The following STAU2 variants were observed in gnomAD, a reference collection of about 807,000 sequenced individuals.
The protein encoded by STAU2 is double-stranded RNA-binding protein Staufen homolog 2.
In STAU2, 20 loss-of-function variants were observed where a neutral mutation model predicts 65.9. The observed-to-expected ratio is 0.30, with a 90% CI of 0.21 to 0.44. The LOEUF is 0.44. Among genes scored for constraint, STAU2 ranks in the 20% least tolerant of loss-of-function variants. STAU2 has a pLI of 1.00. For missense variants in STAU2, 558 were observed against 683.9 expected (o/e 0.82, Z 2.05); for synonymous variants, 232 against 233.9 (o/e 0.99, Z 0.07).
At chr8:73,508,278 T>C (rs541155917) in intron 13 of STAU2, among the ~76,000 whole-genome samples, 185 of 152,316 alleles carry the variant, frequency 1.2e-3, no homozygotes, top group Non-Finnish European at 2.1e-3. Context: ...TGAAACTCTT[T>C]CAGTTGAACA....
intron 13 of STAU2, among the ~76,000 whole-genome samples, chr8:73,479,820 T>C (rs1820517809): frequency 6.6e-6 from 1 of 151,896 alleles, no homozygotes; most frequent in Non-Finnish European, 1.5e-5. Flanking sequence ...ATATCCATTA[T>C]ATCTCTCAAA....
chr8:73,548,346 G>A (rs1337039917), intron 13 of STAU2, among the ~76,000 whole-genome samples: 2 of 151,636 alleles, frequency 1.3e-5, no homozygotes, highest in Non-Finnish European at 2.9e-5. Flanking sequence ...GAATAAATAG[G>A]TGAAAGGTTG....
At chr8:73,467,255 G>A (rs1027730950) in intron 13 of STAU2, among the ~76,000 whole-genome samples, 2 of 152,108 alleles carry the variant, frequency 1.3e-5, no homozygotes, top group Admixed American at 6.5e-5. Flanking sequence ...CTTCTCGGCC[G>A]GGCGCAGTGG....
At chr8:73,683,106 C>T (rs981473425) in intron 5 of STAU2, among the ~76,000 whole-genome samples, 1 of 152,158 alleles carries the variant, frequency 6.6e-6, no homozygotes, top group Non-Finnish European at 1.5e-5. Flanking sequence ...CTCCCTAAAT[C>T]ATTCAATGAA....
intron 13 of STAU2, among the ~76,000 whole-genome samples, chr8:73,459,720 A>G (rs914718672): frequency 9.9e-5 from 15 of 152,106 alleles, no homozygotes; most frequent in African/African-American, 3.6e-4. Flanking sequence ...TGCTGTCATC[A>G]CACCCACGCT....
chr8:73,444,702 T>G (rs952981846), intron 13 of STAU2, among the ~76,000 whole-genome samples: 4 of 152,152 alleles, frequency 2.6e-5, no homozygotes, highest in African/African-American at 9.7e-5. Context: ...TGGCATGGAG[T>G]TGATGCTCCA....
rs1219670014 is a variant in STAU2, at chr8:73,443,112, T to C, written c.1531-20410A>G. 2.6e-5 allele frequency among the ~76,000 whole-genome samples: 4 copies of C among 152,214 alleles called. No individual in the cohort carries two copies. In the East Asian group the frequency reaches 7.7e-4, roughly 29 times the overall value. On this transcript the variant is annotated intron_variant, in intron 13 of 14. Coordinates refer to ENST00000524300, the MANE Select transcript of STAU2 (RefSeq NM_001164380.2). The stretch of plus-strand genomic sequence containing the variant: ...CCTGACATTCAATTGGATAGAATTA[T>C]ATATTGAAATAGATTGTAGGCATAT...
chr8:73,699,757 C>A (rs970374452), intron 4 of STAU2, among the ~76,000 whole-genome samples: 2 of 151,504 alleles, frequency 1.3e-5, no homozygotes, highest in Non-Finnish European at 2.9e-5. Flanking sequence ...GGAACTAATA[C>A]CAATCCTACT....
At chr8:73,465,470 T>C (rs1819603744) in intron 13 of STAU2, among the ~76,000 whole-genome samples, 1 of 152,236 alleles carries the variant, frequency 6.6e-6, no homozygotes, top group Non-Finnish European at 1.5e-5. Context: ...CACGTATTAC[T>C]GTATTTCTTA....
At chr8:73,534,084 A>C (rs539882646) in intron 13 of STAU2, among the ~76,000 whole-genome samples, 1 of 152,348 alleles carries the variant, frequency 6.6e-6, no homozygotes, top group South Asian at 2.1e-4. Flanking sequence ...TAGCACAATC[A>C]CTGTGTTAAG....
intron 6 of STAU2, among the ~76,000 whole-genome samples, chr8:73,621,689 T>A (rs1813246849): frequency 1.3e-5 from 2 of 152,186 alleles, no homozygotes; most frequent in African/African-American, 4.8e-5. Context: ...AGTCTTGGGA[T>A]TTGAAAGATC....
chr8:73,650,000 C>G (rs1815738532), intron 6 of STAU2, among the ~76,000 whole-genome samples: 1 of 149,822 alleles, frequency 6.7e-6, no homozygotes, highest in South Asian at 2.1e-4. Context: ...CTGGTCAAAA[C>G]TGGAAACTGA....
chr8:73,746,233 G>T (rs551439118), intron 1 of STAU2, among the ~76,000 whole-genome samples: 3 of 151,676 alleles, frequency 2.0e-5, no homozygotes, highest in Non-Finnish European at 4.4e-5. Context: ...GCCACCCTCC[G>T]GCGCGCCCCG....
At chr8:73,703,576 T>C (rs901038822) in intron 4 of STAU2, among the ~76,000 whole-genome samples, 4 of 152,198 alleles carry the variant, frequency 2.6e-5, no homozygotes, top group African/African-American at 7.2e-5. Flanking sequence ...AACAGATGAA[T>C]GTCCAAAAAA....
chr8:73,486,001 A>G (rs927140900), intron 13 of STAU2, among the ~76,000 whole-genome samples: 6 of 152,166 alleles, frequency 3.9e-5, no homozygotes, highest in Non-Finnish European at 7.4e-5. Context: ...AGAGGCTGAC[A>G]GGAAGTTCAG....
chr8:73,583,412 C>G (rs1368960862), intron 11 of STAU2, among the ~76,000 whole-genome samples: 1 of 152,074 alleles, frequency 6.6e-6, no homozygotes, highest in Non-Finnish European at 1.5e-5. Flanking sequence ...TCCCAAAGTG[C>G]TGGGATTATA....
At chr8:73,688,923 G>A (rs894029414) in intron 4 of STAU2, 110 bp from the exon 5 acceptor site, 2 of 1,301,890 alleles carry the variant, frequency 1.5e-6, no homozygotes, top group Non-Finnish European at 2.1e-6. Flanking sequence ...AGAGCTAGAG[G>A]TGACCTTACC....
chr8:73,524,210 G>A (rs922814451), intron 13 of STAU2, among the ~76,000 whole-genome samples: 2 of 152,174 alleles, frequency 1.3e-5, no homozygotes, highest in Non-Finnish European at 2.9e-5. Context: ...TAATTTAGAG[G>A]AAGAGATGCT....
rs16938659 is a variant in STAU2, at chr8:73,441,774, G to C, written c.1531-19072C>G. ...ACGATTGATGTTTAAAGACTAATCC[G>C]TCTGGAGTAAGTAGCTGCTGAATGT... On this transcript the variant is annotated intron_variant, in intron 13 of 14. Coordinates refer to ENST00000524300, the MANE Select transcript of STAU2 (RefSeq NM_001164380.2). Among the ~76,000 whole-genome samples, 833 of 152,312 alleles carry C rather than the reference G, an allele frequency of 5.5e-3. 11 individuals carry two copies. Among genetic ancestry groups the C allele is most frequent in the African/African-American group, 0.019 (801 of 41,568 alleles).
Sources: allele counts gnomAD v4.1 joint callset (sites outside exome capture counted in the v4.1 genomes callset), GRCh38; gene constraint gnomAD v4.1.1; transcripts MANE v1.5; gene names NCBI Gene and HGNC (gene_info 2026-07-23, HGNC 2026-07-21).